The following ARHGAP32 variants were observed in gnomAD, a reference collection of about 807,000 sequenced individuals.
ARHGAP32 encodes Rho GTPase activating protein 32.
A neutral mutation model predicts 186.5 loss-of-function variants in ARHGAP32; 51 were observed. That is an observed-to-expected ratio of 0.27 (90% CI 0.22 to 0.35). The LOEUF is 0.35. ARHGAP32 is among the 10% of genes least tolerant of loss of function. The pLI, the probability that ARHGAP32 is intolerant of heterozygous loss-of-function variation, is 1.00. For synonymous variants in ARHGAP32, 950 were observed against 964.3 expected (o/e 0.99, Z 0.27); for missense variants, 2,186 against 2,623.5 (o/e 0.83, Z 3.64).
intron 1 of ARHGAP32, among the ~76,000 whole-genome samples, chr11:129,247,394 A>C (rs1230590966): frequency 6.6e-6 from 1 of 152,230 alleles, no homozygotes; most frequent in Admixed American, 6.5e-5. Flanking sequence ...ATGACTTCAA[A>C]GTAACCAGTA....
chr11:129,086,557 C>T (rs748360613), intron 6 of ARHGAP32, among the ~76,000 whole-genome samples: 1 of 152,100 alleles, frequency 6.6e-6, no homozygotes, highest in Non-Finnish European at 1.5e-5. Flanking sequence ...CATGGTGGCT[C>T]ACGCCTGTAA....
At chr11:129,256,436 T>A (rs1945255359) in intron 1 of ARHGAP32, among the ~76,000 whole-genome samples, 1 of 152,154 alleles carries the variant, frequency 6.6e-6, no homozygotes, top group Admixed American at 6.6e-5. Flanking sequence ...TTCTCTCCAA[T>A]CAGAGGGAGC....
At chr11:129,077,140 G>C (rs1941067513) in intron 6 of ARHGAP32, among the ~76,000 whole-genome samples, 1 of 152,200 alleles carries the variant, frequency 6.6e-6, no homozygotes, top group Non-Finnish European at 1.5e-5. Flanking sequence ...GAGAGGCCCA[G>C]GGAAGCCATT....
intron 1 of ARHGAP32, among the ~76,000 whole-genome samples, chr11:129,278,681 G>C (rs1191071774): frequency 1.3e-5 from 2 of 151,994 alleles, no homozygotes; most frequent in Non-Finnish European, 2.9e-5. Flanking sequence ...AGGGAGCAGA[G>C]ACCTCTGGCC....
intron 1 of ARHGAP32, among the ~76,000 whole-genome samples, chr11:129,236,521 G>A (rs1312419677): frequency 2.0e-5 from 3 of 152,136 alleles, no homozygotes; most frequent in Non-Finnish European, 2.9e-5. Flanking sequence ...TCTGTAGGTT[G>A]TCTGTTTGCT....
intron 1 of ARHGAP32, among the ~76,000 whole-genome samples, chr11:129,275,208 G>A (rs1184474224): frequency 6.6e-6 from 1 of 152,158 alleles, no homozygotes; most frequent in African/African-American, 2.4e-5. Context: ...GGAGGTGATG[G>A]TAATATAAAA....
intron 5 of ARHGAP32, among the ~76,000 whole-genome samples, chr11:129,105,468 G>A (rs1263864428): frequency 6.6e-6 from 1 of 152,062 alleles, no homozygotes; most frequent in African/African-American, 2.4e-5. Flanking sequence ...CGGAGAAAGT[G>A]GCTTTTTCAT....
intron 11 of ARHGAP32, chr11:129,030,501 A>G (rs939254574): frequency 6.6e-6 from 1 of 152,118 alleles, no homozygotes; most frequent in Non-Finnish European, 1.5e-5. Flanking sequence ...GATTGTACCC[A>G]TGTCAGTTAC....
intron 1 of ARHGAP32, chr11:129,202,925 C>T (rs1442382580): frequency 2.0e-5 from 3 of 152,198 alleles, no homozygotes; most frequent in Non-Finnish European, 2.9e-5. Context: ...AAGAAAAACA[C>T]GCTACCAGCG....
At chr11:129,255,060 T>C (rs896690944) in intron 1 of ARHGAP32, among the ~76,000 whole-genome samples, 6 of 152,092 alleles carry the variant, frequency 3.9e-5, no homozygotes, top group South Asian at 2.1e-4. Flanking sequence ...ACCTAACCAG[T>C]TGACAATCCT....
rs374785459 is a variant in ARHGAP32, at chr11:129,069,199, C to T, written c.532-2331G>A. On this transcript the variant is annotated intron_variant, in intron 6 of 22. Coordinates refer to ENST00000682385, the MANE Select transcript of ARHGAP32 (RefSeq NM_001378024.1). ...TTTTCCTTAACTAACATTACCTATA[C>T]AGATGCTGAATATATTTAGATTTAC... Among the ~76,000 whole-genome samples, 7 of 152,154 alleles carry T rather than the reference C, an allele frequency of 4.6e-5. No individual in the cohort carries two copies. In the East Asian group the frequency reaches 9.6e-4, roughly 21 times the overall value.
chr11:129,254,642 A>T (rs1404790933), intron 1 of ARHGAP32, among the ~76,000 whole-genome samples: 2 of 152,106 alleles, frequency 1.3e-5, no homozygotes, highest in Non-Finnish European at 2.9e-5. Context: ...AAATAGATTC[A>T]GTCTTATTTT....
At chr11:129,059,866 C>T (rs1303432777) in intron 10 of ARHGAP32, among the ~76,000 whole-genome samples, 2 of 152,094 alleles carry the variant, frequency 1.3e-5, no homozygotes, top group South Asian at 2.1e-4. Flanking sequence ...CGGGCACCCC[C>T]CACATCAATA....
intron 10 of ARHGAP32, among the ~76,000 whole-genome samples, chr11:129,052,192 C>T (rs1431147712): frequency 6.6e-6 from 1 of 152,132 alleles, no homozygotes; most frequent in Admixed American, 6.5e-5. Flanking sequence ...TTGAACTTTG[C>T]TGAAAATCAG....
intron 10 of ARHGAP32, among the ~76,000 whole-genome samples, chr11:129,042,956 G>A (rs528004048): frequency 1.1e-4 from 17 of 152,282 alleles, no homozygotes; most frequent in African/African-American, 3.9e-4. Flanking sequence ...AAGCCATGAC[G>A]GATAGAATGT....
intron 1 of ARHGAP32, among the ~76,000 whole-genome samples, chr11:129,205,854 C>T (rs1256663716): frequency 1.3e-5 from 2 of 152,078 alleles, no homozygotes; most frequent in East Asian, 3.8e-4. Context: ...CACTCCTAAA[C>T]ACTTAGTATG....
intron 7 of ARHGAP32, among the ~76,000 whole-genome samples, chr11:129,065,402 T>C (rs886824718): frequency 5.9e-5 from 9 of 152,044 alleles, no homozygotes; most frequent in Non-Finnish European, 1.0e-4. Context: ...CCAGTATTAG[T>C]TGGACCAATC....
chr11:129,187,578 A>C (rs761609136), intron 1 of ARHGAP32, among the ~76,000 whole-genome samples: 1 of 151,608 alleles, frequency 6.6e-6, no homozygotes, highest in East Asian at 1.9e-4. Context: ...TGGATATCCC[A>C]TCATGAGGGG....
intron 2 of ARHGAP32, among the ~76,000 whole-genome samples, chr11:129,142,731 AC>A (rs545322851): frequency 9.5e-4 from 142 of 149,410 alleles, no homozygotes; most frequent in Non-Finnish European, 1.7e-3. Flanking sequence ...AAAAAAAAAA[AC>A]CACTAAAATA....
Sources: allele counts gnomAD v4.1 joint callset (sites outside exome capture counted in the v4.1 genomes callset), GRCh38; gene constraint gnomAD v4.1.1; transcripts MANE v1.5; gene names NCBI Gene and HGNC (gene_info 2026-07-23, HGNC 2026-07-21).